FBXO34: variants seen among roughly 807,000 people sequenced by gnomAD.
The protein encoded by FBXO34 is F-box protein 34, also known as F-box only protein 34.
In FBXO34, 12 loss-of-function variants were observed where a neutral mutation model predicts 24.5. That is an observed-to-expected ratio of 0.49 (90% confidence interval 0.31 to 0.79). FBXO34 has a LOEUF of 0.79. Ranked by LOEUF, FBXO34 falls within the 30% of genes least tolerant of loss-of-function variation. The pLI is 0.04. For synonymous variants in FBXO34, 320 were observed against 311.9 expected, an observed-to-expected ratio of 1.03 and a Z score of -0.27; for missense variants, 823 against 857.7, an observed-to-expected ratio of 0.96 and a Z score of 0.51.
At chr14:55,374,643 T>C (rs1356524731), downstream of FBXO34, among the ~76,000 whole-genome samples, 1 of 152,218 alleles carries the variant, frequency 6.6e-6, no homozygotes, top group Non-Finnish European at 1.5e-5. Flanking sequence ...CTTTTGCTTA[T>C]TTTATAGCTG....
intron 1 of FBXO34, among the ~76,000 whole-genome samples, chr14:55,286,162 T>C (rs182260380): frequency 6.6e-6 from 1 of 152,330 alleles, no homozygotes; most frequent in Admixed American, 6.5e-5. Context: ...CTTCCCAATT[T>C]GTAAAAAATG....
the FBXO34 span, among the ~76,000 whole-genome samples, chr14:55,380,875 A>ATATATATATATTTTTTTTT: frequency 1.8e-5 from 2 of 112,732 alleles, no homozygotes; most frequent in Non-Finnish European, 3.5e-5. Flanking sequence ...ATATATATAT[A>ATATATATATATTTTTTTTT]TTTTTTTTTT....
chr14:55,440,557 G>A, the FBXO34 span: 1 of 1,579,672 alleles, frequency 6.3e-7, no homozygotes, highest in African/African-American at 1.4e-5. Flanking sequence ...TATGAGCCTG[G>A]GGGCAGCGAG....
the FBXO34 span, among the ~76,000 whole-genome samples, chr14:55,375,490 A>AAT: frequency 0.27 from 31,889 of 117,220 alleles, 4,223 homozygotes; most frequent in Non-Finnish European, 0.31. Flanking sequence ...GCCGGGCTAA[A>AAT]TTTTTTTTTT....
the FBXO34 span, among the ~76,000 whole-genome samples, chr14:55,428,090 A>C: frequency 8.7e-6 from 1 of 114,342 alleles, no homozygotes; most frequent in South Asian, 2.9e-4. Context: ...GCCCCTTCCT[A>C]CCGGCCTAGT....
At chr14:55,440,535 G>T in the FBXO34 span, 423 of 1,604,016 alleles carry the variant, frequency 2.6e-4, 1 homozygote, top group Non-Finnish European at 3.5e-4. Flanking sequence ...CGGCCAGGGC[G>T]CAGAGGCCAT....
chr14:55,369,136 A>AAAAC (rs1884751814), downstream of FBXO34: 1 of 152,780 alleles, frequency 6.5e-6, no homozygotes, highest in Admixed American at 6.5e-5. Flanking sequence ...TCTCATACAA[A>AAAAC]AAACAATGGC....
the FBXO34 span, chr14:55,382,165 C>A: frequency 1.4e-5 from 23 of 1,614,154 alleles, no homozygotes; most frequent in East Asian, 3.3e-4. Context: ...GGCACTGTCA[C>A]TCTCTGAAGA....
intron 1 of FBXO34, among the ~76,000 whole-genome samples, chr14:55,298,024 A>G (rs1336090312): frequency 6.6e-6 from 1 of 152,154 alleles, no homozygotes; most frequent in African/African-American, 2.4e-5. Context: ...TTCTCAAAAC[A>G]CTTTTTTTGA....
intron 1 of FBXO34, among the ~76,000 whole-genome samples, chr14:55,304,503 C>G (rs1314212261): frequency 6.6e-6 from 1 of 151,788 alleles, no homozygotes; most frequent in Non-Finnish European, 1.5e-5. Flanking sequence ...GTCCCTCACC[C>G]TGCTTTTCCA....
the FBXO34 span, among the ~76,000 whole-genome samples, chr14:55,388,367 T>C: frequency 1.6e-4 from 24 of 152,236 alleles, no homozygotes; most frequent in Admixed American, 1.2e-3. Context: ...TGGCAGGAAA[T>C]CATCAGTCAC....
At chr14:55,391,914 C>T in the FBXO34 span, among the ~76,000 whole-genome samples, 1 of 152,154 alleles carries the variant, frequency 6.6e-6, no homozygotes. Context: ...AGTAAGATTT[C>T]CTGAAAAGCC....
At position 55,351,927 on chromosome 14, in the gene FBXO34, G is replaced by A; in HGVS notation, c.1537G>A (p.Asp513Asn). The A allele has an allele frequency of 1.2e-6, 2 of 1,614,206 alleles. No homozygotes were observed. The highest frequency in any genetic ancestry group is 8.5e-7 in the Non-Finnish European group (1 of 1,180,038). ...KESSEASQLE[D>N]AAGGDSASEE... ...GTCTTCAGAGGCCAGCCAGCTTGAA[G>A]ATGCTGCTGGGGGTGACAGTGCATC... Residue 513 changes from aspartate to asparagine, a missense_variant, in exon 2 of 2, where the codon GAT becomes AAT. Coordinates refer to ENST00000313833, the MANE Select transcript of FBXO34 (RefSeq NM_017943.4).
At chr14:55,322,556 G>T (rs1883176350) in intron 1 of FBXO34, among the ~76,000 whole-genome samples, 1 of 151,976 alleles carries the variant, frequency 6.6e-6, no homozygotes, top group Non-Finnish European at 1.5e-5. Flanking sequence ...GGCTGGTCTG[G>T]AATTCCTGGG....
At chr14:55,401,028 A>G in the FBXO34 span, among the ~76,000 whole-genome samples, 1 of 152,162 alleles carries the variant, frequency 6.6e-6, no homozygotes, top group East Asian at 1.9e-4. Flanking sequence ...AAAACACTTT[A>G]TACAGTTTAC....
intron 1 of FBXO34, among the ~76,000 whole-genome samples, chr14:55,345,969 C>G (rs1371033686): frequency 6.6e-6 from 1 of 152,118 alleles, no homozygotes; most frequent in Non-Finnish European, 1.5e-5. Context: ...TCACGCCACT[C>G]ACTGTAGCCT....
chr14:55,411,359 A>G, the FBXO34 span, among the ~76,000 whole-genome samples: 2 of 152,212 alleles, frequency 1.3e-5, no homozygotes, highest in Non-Finnish European at 2.9e-5. Context: ...AGTGACCAAG[A>G]GCACCGTGGG....
chr14:55,382,275 T>C, the FBXO34 span: 2 of 1,222,476 alleles, frequency 1.6e-6, no homozygotes, highest in Admixed American at 2.0e-5. Context: ...TGCTAGAACA[T>C]CGAAAAGCTG....
chr14:55,330,055 A>T (rs536187817), intron 1 of FBXO34, among the ~76,000 whole-genome samples: 2 of 152,286 alleles, frequency 1.3e-5, no homozygotes, highest in African/African-American at 4.8e-5. Flanking sequence ...CAAGGAATTT[A>T]GAGTTCAGTG....
Sources: gnomAD v4.1 joint callset for allele counts (sites outside exome capture counted in the v4.1 genomes callset) on GRCh38, gnomAD v4.1.1 for gene constraint, MANE v1.5 for transcripts, NCBI Gene and HGNC (gene_info 2026-07-23, HGNC 2026-07-21) for gene names.